RASIP1: variants seen among roughly 807,000 people sequenced by gnomAD.
RASIP1 encodes the protein Ras interacting protein 1.
A neutral mutation model predicts 85.3 loss-of-function variants in RASIP1; 20 were observed. That is an observed-to-expected ratio of 0.23 (90% CI 0.17 to 0.34). RASIP1 has a LOEUF of 0.34. Ranked by LOEUF, RASIP1 falls within the 10% of genes least tolerant of loss-of-function variation. RASIP1 has a pLI of 1.00. For missense variants in RASIP1, 1,170 were observed against 1,390.9 expected, an observed-to-expected ratio of 0.84 and a Z score of 2.53; for synonymous variants, 617 against 647.1, an observed-to-expected ratio of 0.95 and a Z score of 0.71.
chr19:48,731,288 C>G (rs1430389830), intron 4 of RASIP1, among the ~76,000 whole-genome samples: 1 of 151,884 alleles, frequency 6.6e-6, no homozygotes, highest in Non-Finnish European at 1.5e-5. Context: ...AGATAATCCC[C>G]CTTCCATCAA....
chr19:48,720,774 C>T lies in RASIP1; in HGVS notation c.*24G>A. On this transcript the variant is annotated 3_prime_UTR_variant, in exon 12 of 12. Transcript: ENST00000222145. ...TAGAAGCCCGTGACATTTCAAGGTT[C>T]GCGCGCTCGTTTGGTATTGGTTCTC... 1 of 1,611,304 alleles carries T rather than the reference C, an allele frequency of 6.2e-7. No homozygotes were observed. The highest frequency in any genetic ancestry group is 8.5e-7 in the Non-Finnish European group (1 of 1,177,744).
At chr19:48,735,887 C>T (rs530578211) in intron 3 of RASIP1, among the ~76,000 whole-genome samples, 2 of 151,942 alleles carry the variant, frequency 1.3e-5, no homozygotes, top group Non-Finnish European at 1.5e-5. Context: ...CCTCTGCCTC[C>T]CAGGTTCAAG....
At position 48,739,441 on chromosome 19, in the gene RASIP1, GC is replaced by G; in HGVS notation, c.341del (p.Gly114AlafsTer67). 9 of 1,447,770 alleles carry G rather than the reference GC, an allele frequency of 6.2e-6. No homozygotes were observed. Among genetic ancestry groups the G allele is most frequent in the East Asian group, 3.0e-5 (1 of 33,176 alleles). 89.7% of individuals were successfully genotyped at this position (1,447,770 alleles called of 1,614,324 possible). On this transcript the variant is annotated frameshift_variant, in exon 3 of 12. Transcript: ENST00000222145. LOFTEE classifies it high-confidence loss of function. The surrounding 1 kb of genome is among the most constrained non-coding windows in gnomAD (Gnocchi z 9.2). ...TCTTCTCGCTGGCCCAGCGCTGCGC[GC>G]CCCCCGGGGTCCCAGGGCCTCCTGC... The part of the protein sequence containing the change: ...SGAGGPGTPG[G>X]AQRWASEKKL...
At chr19:48,726,664 T>A (rs2033348068) in intron 8 of RASIP1, 121 bp downstream of exon 8, 1 of 774,610 alleles carries the variant, frequency 1.3e-6, no homozygotes, top group Non-Finnish European at 2.0e-6. Flanking sequence ...AGTCAAATAG[T>A]GACATCAGAG....
At position 48,721,902 on chromosome 19, in the gene RASIP1, G is replaced by C; in HGVS notation, c.2644C>G (p.Pro882Ala). 2 of 1,605,504 alleles carry C rather than the reference G, an allele frequency of 1.2e-6. No homozygotes were observed. Among genetic ancestry groups the C allele is most frequent in the Non-Finnish European group, 1.7e-6 (2 of 1,176,278 alleles). The change falls in exon 11 of 12, where the codon CCA (proline) becomes GCA (alanine). Residue 882 changes from proline (P) to alanine (A), a missense_variant. By Grantham distance (27) the Pro-to-Ala change is conservative. Transcript: ENST00000222145. The part of the protein sequence containing the change: ...HYQLGPGRGP[P>A]AAWDPPPAER... Reference sequence around the variant, plus strand: ...GCAGGGGGAGGGTCCCACGCGGCTGGCGGCCCGCGGCCAGGGCCCAGCTGA... The same window carrying C: ...GCAGGGGGAGGGTCCCACGCGGCTGCCGGCCCGCGGCCAGGGCCCAGCTGA...
chr19:48,723,257 G>C (rs1054743345), intron 10 of RASIP1, among the ~76,000 whole-genome samples: 2 of 152,100 alleles, frequency 1.3e-5, no homozygotes, highest in Non-Finnish European at 2.9e-5. Context: ...TAAGAAGAAA[G>C]GAAAATAAAT....
At chr19:48,726,481 C>T (rs1352579945) in intron 8 of RASIP1, among the ~76,000 whole-genome samples, 1 of 152,190 alleles carries the variant, frequency 6.6e-6, no homozygotes, top group African/African-American at 2.4e-5. Context: ...CCGCCTTGAC[C>T]TCCCAAAGTG....
At chr19:48,726,970 G>A (rs2033352635) in intron 7 of RASIP1, 37 bp downstream of exon 7, 1 of 1,612,676 alleles carries the variant, frequency 6.2e-7, no homozygotes, top group South Asian at 1.1e-5. Context: ...GGCATGATGG[G>A]AGACTTGGAC....
chr19:48,730,288 C>T (rs543715687), intron 4 of RASIP1, among the ~76,000 whole-genome samples: 4 of 152,104 alleles, frequency 2.6e-5, no homozygotes, highest in South Asian at 2.1e-4. Flanking sequence ...GCCTCAACCT[C>T]CCGAGTAGTT....
intron 3 of RASIP1, chr19:48,737,375 A>G: frequency 2.6e-6 from 2 of 765,700 alleles, no homozygotes; most frequent in Non-Finnish European, 3.2e-6. Flanking sequence ...CTCCCTGAGC[A>G]GACCCGTGCT....
In RASIP1 at chr19:48,721,698, G is replaced by A. The variant is rs375772082; in HGVS notation, c.2692+156C>T. On this transcript the variant is annotated intron_variant, in intron 11 of 11. Coordinates refer to ENST00000222145, the MANE Select transcript of RASIP1 (RefSeq NM_017805.3). ...CATGCCTGTAATCCCAGCTACTCGG[G>A]AGGCTGAGGCAGGAGAATCGCTTGA... is the stretch of plus-strand genomic sequence containing the variant. Among the ~76,000 whole-genome samples, 49 of 152,358 alleles carry A rather than the reference G, an allele frequency of 3.2e-4. 1 individual carries two copies. The highest frequency in any genetic ancestry group is 1.2e-3 in the Admixed American group (18 of 15,306).
At chr19:48,735,894 C>T (rs955169101) in intron 3 of RASIP1, among the ~76,000 whole-genome samples, 11 of 151,808 alleles carry the variant, frequency 7.2e-5, no homozygotes, top group South Asian at 4.2e-4. Flanking sequence ...CTCCCAGGTT[C>T]AAGCAATTCT....
rs1444765341 is a variant in RASIP1, at chr19:48,739,875, G to A, written c.138-230C>T. ...CACAGTAGGAAATTCCAAGAGGTGA[G>A]CAGGGAGGGGAGGAAGGAAGGTGAA... is the stretch of plus-strand genomic sequence containing the variant. On this transcript the variant is annotated intron_variant, in intron 2 of 11. Transcript: ENST00000222145. This position sits in a 1 kb window ranked among gnomAD's most constrained non-coding sequence, Gnocchi z 9.2. 1.3e-5 allele frequency among the ~76,000 whole-genome samples: 2 copies of A among 152,100 alleles called. No individual in the cohort carries two copies. The highest frequency in any genetic ancestry group is 1.3e-4 in the Admixed American group (2 of 15,270).
chr19:48,735,516 G>T lies in RASIP1; in HGVS notation c.859C>A (p.Arg287Ser), dbSNP rs759072934. 6.5e-7 allele frequency: 1 copy of T among 1,546,488 alleles called. No individual in the cohort carries two copies. The highest frequency in any genetic ancestry group is 8.7e-7 in the Non-Finnish European group (1 of 1,144,548). Residue 287 changes from arginine (R) to serine (S), a missense_variant, in exon 4 of 12, where the codon CGC (arginine) becomes AGC (serine). Arg to Ser is a moderately radical substitution (Grantham distance 110). Around this residue, in one of 4 missense-constraint regions of RASIP1, gnomAD observed 301 missense variants for 294.8 expected, o/e 1.02. Coordinates refer to ENST00000222145, the MANE Select transcript of RASIP1 (RefSeq NM_017805.3). ...GAPSWRPQKN[R>S]SRAASGGAAL... ...GCCCCACCCGACGCCGCCCGGGAGC[G>T]GTTCTTCTGTGGCCGCCACGAAGGG...
At chr19:48,723,844 G>C (rs2033294551) in intron 10 of RASIP1, among the ~76,000 whole-genome samples, 1 of 138,000 alleles carries the variant, frequency 7.2e-6, no homozygotes, top group Non-Finnish European at 1.5e-5. Context: ...GTCTCGCTCT[G>C]TCGCCCCGGC....
In RASIP1 at chr19:48,724,497, G is replaced by T; in HGVS notation, c.2384C>A (p.Pro795His). Residue 795 changes from proline (P) to histidine (H), a missense_variant, in exon 10 of 12, where the codon CCT becomes CAT. Around this residue, in one of 4 missense-constraint regions of RASIP1, gnomAD observed 426 missense variants for 576.2 expected, o/e 0.74. Coordinates refer to ENST00000222145, the MANE Select transcript of RASIP1 (RefSeq NM_017805.3). This position sits in a 1 kb window ranked among gnomAD's most constrained non-coding sequence, Gnocchi z 4.6. Reference protein sequence around the residue: ...NSLMERGQGRPFYQWSRAVQI... With the variant: ...NSLMERGQGRHFYQWSRAVQI... ...AACAGCTCGGGACCATTGATAGAAA[G>T]GCCGGCCTTGACCTGTGGGTGTTAA... The T allele has an allele frequency of 1.2e-6, 2 of 1,614,018 alleles. No individual in the cohort carries two copies. The highest frequency in any genetic ancestry group is 1.1e-5 in the South Asian group (1 of 91,078).
intron 3 of RASIP1, chr19:48,737,915 T>C: frequency 1.0e-6 from 1 of 985,380 alleles, no homozygotes; most frequent in Non-Finnish European, 1.2e-6. Context: ...AATTCCTTTT[T>C]CTTTTTCTGG....
intron 3 of RASIP1, chr19:48,737,410 G>A (rs902394946): frequency 5.1e-6 from 5 of 972,044 alleles, no homozygotes; most frequent in Admixed American, 1.2e-4. Flanking sequence ...CCCCACCCCT[G>A]CCAGGCGCGG....
intron 4 of RASIP1, among the ~76,000 whole-genome samples, chr19:48,732,582 C>G (rs1217256502): frequency 3.3e-5 from 5 of 152,124 alleles, no homozygotes; most frequent in Non-Finnish European, 7.4e-5. Flanking sequence ...CAGATGAGGT[C>G]TCACTATGTT....
Sources: allele counts gnomAD v4.1 joint callset (sites outside exome capture counted in the v4.1 genomes callset), GRCh38; gene constraint gnomAD v4.1.1; regional missense constraint gnomAD v4.1.1; non-coding constraint Gnocchi (gnomAD v3.1); transcripts MANE v1.5; gene names NCBI Gene and HGNC (gene_info 2026-07-23, HGNC 2026-07-21).